The following MCPH1 variants were observed in gnomAD, a reference collection of about 807,000 sequenced individuals.
MCPH1 encodes microcephalin 1.
Under a neutral mutation model 84.5 loss-of-function variants are expected in MCPH1, and 104 were observed. The ratio of observed to expected loss-of-function variants is 1.23; its 90% CI spans 1.05 to 1.45. MCPH1 has a LOEUF of 1.45. MCPH1 is among the 40% of genes most tolerant of loss of function. The pLI is 0.00. For missense variants in MCPH1, 1,498 were observed against 1,005.7 expected (o/e 1.49, Z -6.62); for synonymous variants, 514 against 366.8 (o/e 1.40, Z -4.58).
intron 12 of MCPH1, among the ~76,000 whole-genome samples, chr8:6,535,736 A>T (rs1193172582): frequency 6.6e-6 from 1 of 152,182 alleles, no homozygotes; most frequent in Non-Finnish European, 1.5e-5. Flanking sequence ...GCAGTAGTAG[A>T]TATTTTGTGT....
chr8:6,480,635 C>G (rs937687807), intron 10 of MCPH1, 79 bp from the exon 11 acceptor site: 19 of 1,529,758 alleles, frequency 1.2e-5, no homozygotes, highest in Non-Finnish European at 1.7e-5. Context: ...TTTATTAGTA[C>G]TAATATTGAG....
At chr8:6,626,461 G>C (rs996164031) in intron 13 of MCPH1, 2 of 942,452 alleles carry the variant, frequency 2.1e-6, no homozygotes, top group African/African-American at 3.9e-5. Context: ...TTGTTGTTTG[G>C]TTTTTTTGTT....
At chr8:6,418,175 A>T (rs1799594841) in intron 3 of MCPH1, among the ~76,000 whole-genome samples, 1 of 152,080 alleles carries the variant, frequency 6.6e-6, no homozygotes, top group South Asian at 2.1e-4. Context: ...CTAGCTGCCC[A>T]GTCTCCTTCC....
intron 4 of MCPH1, among the ~76,000 whole-genome samples, chr8:6,434,625 C>T (rs764278805): frequency 6.6e-6 from 1 of 152,232 alleles, no homozygotes; most frequent in Non-Finnish European, 1.5e-5. Context: ...CAGCGCCTGA[C>T]ATAAAGTCAT....
At chr8:6,638,307 C>A (rs150880747) in intron 13 of MCPH1, among the ~76,000 whole-genome samples, 6 of 152,316 alleles carry the variant, frequency 3.9e-5, no homozygotes, top group African/African-American at 1.4e-4. Context: ...CTAGCCCTAA[C>A]ATGCTTACTT....
At chr8:6,606,603 T>C (rs148457207) in intron 12 of MCPH1, among the ~76,000 whole-genome samples, 33 of 152,328 alleles carry the variant, frequency 2.2e-4, no homozygotes, top group Non-Finnish European at 4.0e-4. Flanking sequence ...AAGGCTGTGC[T>C]GAATGGAGAT....
chr8:6,445,537 A>T lies in MCPH1; in HGVS notation c.1815A>T (p.Gly605=). The T allele has an allele frequency of 6.2e-7, 1 of 1,600,504 alleles. No individual in the cohort carries two copies. Among genetic ancestry groups the T allele is most frequent in the South Asian group, 1.1e-5 (1 of 88,280 alleles). Residue 605 remains glycine, a synonymous_variant, in exon 8 of 14, where the codon GGA becomes GGT. Transcript: ENST00000344683. ...AAGAGAAGGAAAACTTACCCGGAGG[A>T]TACAGTGGAAGTATGTGAATCTCCT... The part of the protein sequence containing the change: ...STEEKENLPG[G]YSGSVKNRPT...
intron 7 of MCPH1, among the ~76,000 whole-genome samples, chr8:6,442,600 A>T (rs979452921): frequency 2.6e-5 from 4 of 152,236 alleles, no homozygotes; most frequent in African/African-American, 9.6e-5. Context: ...AAGCAGAAAG[A>T]ACACTGGTAG....
At chr8:6,416,884 C>T (rs1799378388) in intron 3 of MCPH1, among the ~76,000 whole-genome samples, 1 of 151,932 alleles carries the variant, frequency 6.6e-6, no homozygotes, top group Admixed American at 6.6e-5. Context: ...GTCCCAGCTA[C>T]TCGGGAGATT....
intron 9 of MCPH1, among the ~76,000 whole-genome samples, chr8:6,466,898 C>A (rs1270438074): frequency 6.6e-6 from 1 of 152,166 alleles, no homozygotes. Flanking sequence ...TATTTCTTTG[C>A]CTTTCCTTAC....
intron 12 of MCPH1, among the ~76,000 whole-genome samples, chr8:6,504,115 G>A (rs897140049): frequency 2.7e-4 from 41 of 151,952 alleles, no homozygotes; most frequent in African/African-American, 6.0e-4. Context: ...TCAGGAGACC[G>A]AGACCATCCT....
chr8:6,568,121 G>A (rs958808190), intron 12 of MCPH1, among the ~76,000 whole-genome samples: 4 of 152,186 alleles, frequency 2.6e-5, no homozygotes, highest in Non-Finnish European at 4.4e-5. Context: ...AGAGGCCAGT[G>A]TTACAAAGAA....
intron 13 of MCPH1, chr8:6,625,495 C>T (rs988882126): frequency 1.0e-6 from 1 of 984,802 alleles, no homozygotes; most frequent in Non-Finnish European, 1.2e-6. Flanking sequence ...ATATATCAAA[C>T]CATTTTAAAG....
intron 12 of MCPH1, chr8:6,508,248 G>C (rs966898719): frequency 6.6e-6 from 1 of 152,342 alleles, no homozygotes; most frequent in Non-Finnish European, 1.5e-5. Flanking sequence ...TCAGCAGTTC[G>C]AGACCAGCCT....
chr8:6,507,648 G>A (rs575708982), intron 12 of MCPH1: 1 of 146,584 alleles, frequency 6.8e-6, no homozygotes, highest in South Asian at 2.2e-4. Context: ...ACGATCTTGG[G>A]TTACTGCAAC....
intron 3 of MCPH1, among the ~76,000 whole-genome samples, chr8:6,428,960 G>A (rs1435296314): frequency 2.0e-5 from 3 of 152,140 alleles, no homozygotes; most frequent in Non-Finnish European, 1.5e-5. Context: ...TCAGTTTCAG[G>A]TATTATCTAG....
intron 12 of MCPH1, among the ~76,000 whole-genome samples, chr8:6,609,808 C>G (rs1368384311): frequency 9.8e-6 from 1 of 101,778 alleles, no homozygotes; most frequent in Non-Finnish European, 2.3e-5. Flanking sequence ...ATTATCAAAG[C>G]AATGCCCCCC....
intron 12 of MCPH1, among the ~76,000 whole-genome samples, chr8:6,582,555 AT>A (rs1395837020): frequency 6.6e-6 from 1 of 151,978 alleles, no homozygotes; most frequent in Non-Finnish European, 1.5e-5. Flanking sequence ...TTTTAATGCT[AT>A]TTTTTGTTTG....
chr8:6,472,006 A>T (rs1807785867), intron 9 of MCPH1, among the ~76,000 whole-genome samples: 1 of 152,220 alleles, frequency 6.6e-6, no homozygotes, highest in Non-Finnish European at 1.5e-5. Context: ...CTGATAAGTA[A>T]AGTTAGTTAT....
Sources: gnomAD v4.1 joint callset for allele counts (sites outside exome capture counted in the v4.1 genomes callset) on GRCh38, gnomAD v4.1.1 for gene constraint, MANE v1.5 for transcripts, NCBI Gene and HGNC (gene_info 2026-07-23, HGNC 2026-07-21) for gene names.